ZMAT4: variants seen among roughly 807,000 people sequenced by gnomAD.
ZMAT4 encodes the protein zinc finger matrin-type 4.
ZMAT4 carries 17 observed loss-of-function variants against 28.7 expected under a neutral mutation model. The observed-to-expected ratio is 0.59, with a 90% CI of 0.41 to 0.89. The LOEUF (loss-of-function observed/expected upper bound fraction) is 0.89, where lower values mean the gene tolerates loss of function less well. Among genes scored for constraint, ZMAT4 ranks in the 40% least tolerant of loss-of-function variants. The pLI is 0.00. For synonymous variants in ZMAT4, 117 were observed against 109.2 expected, an observed-to-expected ratio of 1.07 and a Z score of -0.44; for missense variants, 240 against 283.8, an observed-to-expected ratio of 0.85 and a Z score of 1.11.
intron 6 of ZMAT4, among the ~76,000 whole-genome samples, chr8:40,561,995 C>A (rs1803759288): frequency 6.6e-6 from 1 of 152,186 alleles, no homozygotes; most frequent in Non-Finnish European, 1.5e-5. Context: ...GGTCTTGCTT[C>A]TCTGACTGAA....
At chr8:40,732,336 G>T (rs1811576356) in intron 3 of ZMAT4, among the ~76,000 whole-genome samples, 1 of 152,172 alleles carries the variant, frequency 6.6e-6, no homozygotes, top group African/African-American at 2.4e-5. Context: ...GGTACTGGCA[G>T]GCAGTCAGCT....
intron 2 of ZMAT4, among the ~76,000 whole-genome samples, chr8:40,783,837 C>G (rs1010132610): frequency 6.7e-4 from 102 of 152,096 alleles, no homozygotes; most frequent in African/African-American, 2.2e-3. Flanking sequence ...ATGGTGAAAC[C>G]CTGTCTCTAC....
intron 1 of ZMAT4, among the ~76,000 whole-genome samples, chr8:40,885,426 G>T (rs1407458491): frequency 6.6e-6 from 1 of 152,196 alleles, no homozygotes; most frequent in Non-Finnish European, 1.5e-5. Flanking sequence ...GCCAGGACCA[G>T]TGCCTCCGAG....
chr8:40,530,679 A>G lies in ZMAT4; in HGVS notation c.*1544T>C, dbSNP rs542770950. 1.2e-4 allele frequency: 19 copies of G among 152,722 alleles called. No homozygotes were observed. Among genetic ancestry groups the G allele is most frequent in the African/African-American group, 4.6e-4 (19 of 41,562 alleles). The allele number at this position is 152,722 out of a possible 1,614,324, so 9.5% of individuals were successfully genotyped here. A position where few individuals can be genotyped will look rare whatever the true frequency, so the allele number is the denominator to read the frequency against. On this transcript the variant is annotated 3_prime_UTR_variant, in exon 7 of 7. Coordinates refer to ENST00000297737, the MANE Select transcript of ZMAT4 (RefSeq NM_024645.3). The stretch of plus-strand genomic sequence containing the variant: ...CCTTATTTTACACATCCGAAGAAAC[A>G]CCATCACAGGAGGTTTGTAGGTCGG...
chr8:40,693,739 G>A (rs1419963903), intron 4 of ZMAT4, among the ~76,000 whole-genome samples: 2 of 152,186 alleles, frequency 1.3e-5, no homozygotes, highest in East Asian at 1.9e-4. Flanking sequence ...TTATTCCAGC[G>A]GCTCTGCCAA....
chr8:40,856,779 T>G (rs1201819911), intron 1 of ZMAT4, among the ~76,000 whole-genome samples: 1 of 152,028 alleles, frequency 6.6e-6, no homozygotes, highest in African/African-American at 2.4e-5. Flanking sequence ...AGATGTGGGA[T>G]GCTCTACACA....
chr8:40,600,634 T>C (rs1805268965), intron 5 of ZMAT4, among the ~76,000 whole-genome samples: 1 of 152,190 alleles, frequency 6.6e-6, no homozygotes, highest in Non-Finnish European at 1.5e-5. Flanking sequence ...TAATCTGATC[T>C]TGCTAGGGTG....
chr8:40,881,975 C>T (rs940137305), intron 1 of ZMAT4, among the ~76,000 whole-genome samples: 1 of 152,176 alleles, frequency 6.6e-6, no homozygotes, highest in Admixed American at 6.5e-5. Context: ...AAAGCCTGCC[C>T]AGGGCCTAAT....
intron 1 of ZMAT4, among the ~76,000 whole-genome samples, chr8:40,855,106 T>A (rs1454138464): frequency 1.3e-5 from 2 of 152,244 alleles, no homozygotes; most frequent in East Asian, 3.9e-4. Flanking sequence ...GTTTTTGCAA[T>A]CCCCCGCTGT....
At chr8:40,773,509 T>TAAA (rs113357836) in intron 2 of ZMAT4, among the ~76,000 whole-genome samples, 3 of 149,930 alleles carry the variant, frequency 2.0e-5, no homozygotes, top group African/African-American at 2.4e-5. Context: ...GTGGCATCTA[T>TAAA]AAAAAAAAAA....
intron 5 of ZMAT4, among the ~76,000 whole-genome samples, chr8:40,635,933 T>A (rs1157013531): frequency 6.6e-6 from 1 of 152,236 alleles, no homozygotes; most frequent in Non-Finnish European, 1.5e-5. Context: ...TTCTGAGTTC[T>A]GGAACAGTTT....
intron 1 of ZMAT4, among the ~76,000 whole-genome samples, chr8:40,830,908 A>G (rs1816256884): frequency 6.6e-6 from 1 of 152,180 alleles, no homozygotes. Flanking sequence ...AAATTCTCAC[A>G]GGGTTATTGT....
intron 4 of ZMAT4, among the ~76,000 whole-genome samples, chr8:40,687,151 A>G (rs889929996): frequency 1.3e-5 from 2 of 152,244 alleles, no homozygotes; most frequent in Non-Finnish European, 2.9e-5. Context: ...TATGAGGAAG[A>G]AAAGTATATG....
rs138322847 is a variant in ZMAT4 at position 40,725,706 on chromosome 8, G to A, written c.193-28305C>T. Among the ~76,000 whole-genome samples the A allele has an allele frequency of 8.9e-3, 1,357 of 152,250 alleles. 22 individuals are homozygous for A. The highest frequency in any genetic ancestry group is 0.03 in the African/African-American group (1,258 of 41,538). On this transcript the variant is annotated intron_variant, in intron 3 of 6. Coordinates refer to ENST00000297737, the MANE Select transcript of ZMAT4 (RefSeq NM_024645.3). Reference sequence around the variant, plus strand: ...GAATCGCTTGAACCTGGGGGGCAGAGGTTGCAATGAGCCAAGATCGTGCCA... The same window carrying A: ...GAATCGCTTGAACCTGGGGGGCAGAAGTTGCAATGAGCCAAGATCGTGCCA...
At chr8:40,601,575 AAAG>A (rs1226181575) in intron 5 of ZMAT4, among the ~76,000 whole-genome samples, 621 of 6,464 alleles carry the variant, frequency 0.096, 11 homozygotes, top group African/African-American at 0.16. Flanking sequence ...AGAAAGAAAG[AAAG>A]AAAGAAAGAA....
chr8:40,645,316 G>C (rs1021150684), intron 5 of ZMAT4, among the ~76,000 whole-genome samples: 2 of 152,038 alleles, frequency 1.3e-5, no homozygotes, highest in African/African-American at 4.8e-5. Context: ...AAGTTATTGA[G>C]ATAAGAAAGA....
intron 2 of ZMAT4, among the ~76,000 whole-genome samples, chr8:40,821,582 T>G (rs995983155): frequency 6.6e-6 from 1 of 152,128 alleles, no homozygotes; most frequent in Admixed American, 6.6e-5. Context: ...CGTGCAAAGG[T>G]TCAGCCTTTT....
chr8:40,607,645 C>T (rs964089808), intron 5 of ZMAT4, among the ~76,000 whole-genome samples: 4 of 152,094 alleles, frequency 2.6e-5, no homozygotes, highest in African/African-American at 9.7e-5. Context: ...GGTTCCTTCT[C>T]ATTTGGGTAG....
At chr8:40,672,432 G>A (rs150138646) in intron 5 of ZMAT4, among the ~76,000 whole-genome samples, 14 of 152,226 alleles carry the variant, frequency 9.2e-5, no homozygotes, top group African/African-American at 3.4e-4. Flanking sequence ...CACCTGGAGC[G>A]TGTGGAAAGT....
Sources: allele counts gnomAD v4.1 joint callset (sites outside exome capture counted in the v4.1 genomes callset), GRCh38; gene constraint gnomAD v4.1.1; transcripts MANE v1.5; gene names NCBI Gene and HGNC (gene_info 2026-07-23, HGNC 2026-07-21).